Variants in GYG2 observed in about 807,000 individuals in gnomAD.
The protein encoded by GYG2 is glycogenin 2.
GYG2 carries 29 observed loss-of-function variants against 29.4 expected under a neutral mutation model. The ratio of observed to expected loss-of-function variants is 0.99; its 90% CI spans 0.74 to 1.35. The LOEUF is 1.35. Among genes scored for constraint, GYG2 ranks in the 40% most tolerant of loss-of-function variants. GYG2 has a pLI of 0.00. For missense variants in GYG2, 370 were observed against 385.7 expected, an observed-to-expected ratio of 0.96 and a Z score of 0.34; for synonymous variants, 167 against 172.3, an observed-to-expected ratio of 0.97 and a Z score of 0.24.
At chrX:2,845,023 GTATA>G (rs1197815950) in intron 3 of GYG2, among the ~76,000 whole-genome samples, 2 of 98,447 alleles carry the variant, frequency 2.0e-5, no homozygotes, top group Non-Finnish European at 2.1e-5. Context: ...ACATGTGTAT[GTATA>G]TTTATATACA....
rs111813997 is a variant in GYG2 at position 2,866,307 on chromosome X, C to G, written c.1038+4585C>G. Among the ~76,000 whole-genome samples the G allele has an allele frequency of 8.0e-3, 893 of 111,720 alleles. 8 individuals are homozygous for G. Among genetic ancestry groups the G allele is most frequent in the African/African-American group, 0.028 (852 of 30,736 alleles). ...ATCAGGAGTTTGAGACCAGCCTGAG[C>G]AACATAGCAAAACCCTGTCTCTGCA... On this transcript the variant is annotated intron_variant, in intron 8 of 10. Coordinates refer to ENST00000398806, the MANE Select transcript of GYG2 (RefSeq NM_001079855.2).
At chrX:2,831,054 A>T (rs1008938401) in intron 2 of GYG2, among the ~76,000 whole-genome samples, 24 of 112,588 alleles carry the variant, frequency 2.1e-4, no homozygotes, top group Admixed American at 2.0e-3. Context: ...GGTTTTGTGG[A>T]CATCAGATAG....
In GYG2 at chrX:2,848,691, T is replaced by C. The variant is rs774145101; in HGVS notation, c.150-5289T>C. Among the ~76,000 whole-genome samples, 3 of 111,383 alleles carry C rather than the reference T, an allele frequency of 2.7e-5. 1 individual carries two copies. Among genetic ancestry groups the C allele is most frequent in the Non-Finnish European group, 1.9e-5 (1 of 53,055 alleles). ...AGAAAAATGCTGTTAAAGAGTGTAA[T>C]TGAGTTGCTTGTAACACAAAGGATA... is the stretch of plus-strand genomic sequence containing the variant. On this transcript the variant is annotated intron_variant, in intron 3 of 10. Transcript: ENST00000398806.
chrX:2,830,035 C>G, intron 1 of GYG2, 26 bp from the exon 2 acceptor site: 1 of 507,431 alleles, frequency 2.0e-6, no homozygotes, highest in Non-Finnish European at 3.4e-6. Context: ...CCGAGGGTGT[C>G]GAGACTGCCA....
At chrX:2,832,282 G>A (rs1237537837) in intron 2 of GYG2, among the ~76,000 whole-genome samples, 2 of 112,355 alleles carry the variant, frequency 1.8e-5, no homozygotes, top group Non-Finnish European at 3.8e-5. Flanking sequence ...CCTTGTTGCT[G>A]GAGAGAGCTC....
chrX:2,863,315 C>T (rs2088219605), intron 8 of GYG2, among the ~76,000 whole-genome samples: 1 of 110,860 alleles, frequency 9.0e-6, no homozygotes, highest in African/African-American at 3.3e-5. Flanking sequence ...ACCTTGTGAT[C>T]CGCCTGCTTC....
In GYG2 at chrX:2,830,173, C is replaced by T. The variant is rs1314067121; in HGVS notation, c.-16C>T. 9.9e-6 allele frequency: 12 copies of T among 1,206,735 alleles called. No homozygotes were observed. The highest frequency in any genetic ancestry group is 3.0e-5 in the East Asian group (1 of 33,686). ...GGTCTGCAGGTCCGCGCCCACTGCC[C>T]GCGGCGCCACTGACCATGTCGGGTG... On this transcript the variant is annotated 5_prime_UTR_variant, in exon 2 of 11. Coordinates refer to ENST00000398806, the MANE Select transcript of GYG2 (RefSeq NM_001079855.2).
intron 8 of GYG2, among the ~76,000 whole-genome samples, chrX:2,866,487 C>G (rs2088298907): frequency 9.0e-6 from 1 of 111,225 alleles, no homozygotes; most frequent in Admixed American, 9.6e-5. Context: ...AGAACAAGAC[C>G]CTGTCTCAGT....
At position 2,859,927 on chromosome X, in the gene GYG2, G is replaced by A. The variant is rs1009986396; in HGVS notation, c.699G>A (p.Val233=). Residue 233 remains valine, a synonymous_variant, in exon 7 of 11, where the codon GTG becomes GTA. Coordinates refer to ENST00000398806, the MANE Select transcript of GYG2 (RefSeq NM_001079855.2). ...NYKYNPQSGS[V]LEQGSASSSQ... ...AGTACAATCCACAGAGTGGCTCGGT[G>A]TTGGAGCAAGGCTCAGCGTCCAGCA... 5.8e-6 allele frequency: 7 copies of A among 1,199,245 alleles called. No individual in the cohort carries two copies. The highest frequency in any genetic ancestry group is 6.8e-6 in the Non-Finnish European group (6 of 886,542).
chrX:2,847,363 A>G (rs183183340), intron 3 of GYG2, among the ~76,000 whole-genome samples: 1 of 110,434 alleles, frequency 9.1e-6, no homozygotes, highest in Non-Finnish European at 1.9e-5. Context: ...CAATGATAAG[A>G]TCCTTTTAAA....
chrX:2,853,231 G>A (rs2087906438), intron 3 of GYG2, among the ~76,000 whole-genome samples: 1 of 110,925 alleles, frequency 9.0e-6, no homozygotes, highest in Admixed American at 9.7e-5. Context: ...TTTGTTTTGA[G>A]ATAGAGTCTC....
At chrX:2,859,532 T>A (rs1242229978) in intron 6 of GYG2, among the ~76,000 whole-genome samples, 1 of 111,025 alleles carries the variant, frequency 9.0e-6, no homozygotes, top group Non-Finnish European at 1.9e-5. Context: ...GATCATATAT[T>A]GATTACATGC....
intron 2 of GYG2, among the ~76,000 whole-genome samples, chrX:2,839,306 C>T (rs916320901): frequency 9.0e-6 from 1 of 111,443 alleles, no homozygotes; most frequent in Non-Finnish European, 1.9e-5. Context: ...TTTTCTCCTG[C>T]CTCTTTGTTG....
chrX:2,873,127 G>C (rs2088512645), intron 8 of GYG2, among the ~76,000 whole-genome samples: 1 of 111,513 alleles, frequency 9.0e-6, no homozygotes, highest in African/African-American at 3.3e-5. Context: ...TCATAGGGCT[G>C]TCGCGATTAA....
intron 8 of GYG2, among the ~76,000 whole-genome samples, chrX:2,869,555 G>A (rs936971942): frequency 2.7e-5 from 3 of 112,505 alleles, no homozygotes; most frequent in Admixed American, 1.9e-4. Context: ...TCGCAATAAT[G>A]TCATAAAAGC....
At chrX:2,832,958 C>T (rs1468475272) in intron 2 of GYG2, among the ~76,000 whole-genome samples, 1 of 111,563 alleles carries the variant, frequency 9.0e-6, no homozygotes, top group Non-Finnish European at 1.9e-5. Context: ...TGAGGTCCTG[C>T]AGGTTATGAT....
At position 2,881,146 on chromosome X, in the gene GYG2, G is replaced by C; in HGVS notation, c.1346G>C (p.Arg449Pro). ...GAGAGGAGGAAGTGGGAGGAAGGCCGTATCGACTACATGGGGAAGGACGCG... is the reference window on the plus strand; with the variant it reads ...GAGAGGAGGAAGTGGGAGGAAGGCCCTATCGACTACATGGGGAAGGACGCG... ...EEERRKWEEGRIDYMGKDAFA... is the reference protein window; with the variant it reads ...EEERRKWEEGPIDYMGKDAFA... The change falls in exon 11 of 11, where the codon CGT (arginine) becomes CCT (proline). Residue 449 changes from arginine (R) to proline (P), a missense_variant. Transcript: ENST00000398806. 8.3e-7 allele frequency: 1 copy of C among 1,206,431 alleles called. No homozygotes were observed. The highest frequency in any genetic ancestry group is 1.7e-5 in the African/African-American group (1 of 57,686).
intron 2 of GYG2, among the ~76,000 whole-genome samples, chrX:2,837,758 A>G (rs1161426478): frequency 9.9e-4 from 110 of 110,770 alleles, no homozygotes; most frequent in African/African-American, 3.5e-3. Flanking sequence ...GTTTGACATT[A>G]CTTTGCTGAT....
chrX:2,837,646 A>T (rs1485976598), intron 2 of GYG2, among the ~76,000 whole-genome samples: 1 of 111,113 alleles, frequency 9.0e-6, no homozygotes, highest in Non-Finnish European at 1.9e-5. Context: ...GGGTCCTTAA[A>T]CATGGTTCCT....
Sources: gnomAD v4.1 joint callset for allele counts (sites outside exome capture counted in the v4.1 genomes callset) on GRCh38, gnomAD v4.1.1 for gene constraint, MANE v1.5 for transcripts, NCBI Gene and HGNC (gene_info 2026-07-23, HGNC 2026-07-21) for gene names.